The following BST1 variants were observed in gnomAD, a reference collection of about 807,000 sequenced individuals.
BST1 encodes bone marrow stromal cell antigen 1, also known as ADP-ribosyl cyclase/cyclic ADP-ribose hydrolase 2.
BST1 carries 49 observed loss-of-function variants against 40.6 expected under a neutral mutation model. That is an observed-to-expected ratio of 1.21 (90% CI 0.96 to 1.53). The LOEUF (loss-of-function observed/expected upper bound fraction) is 1.53. Ranked by LOEUF, BST1 falls within the 40% of genes most tolerant of loss-of-function variation. BST1 has a pLI of 0.00. For missense variants in BST1, 423 were observed against 395.9 expected (o/e 1.07, Z -0.58); for synonymous variants, 157 against 159.3 (o/e 0.99, Z 0.11).
the BST1 span, among the ~76,000 whole-genome samples, chr4:15,770,424 G>A: frequency 7.9e-5 from 12 of 152,246 alleles, no homozygotes; most frequent in Non-Finnish European, 1.8e-4. Context: ...ACTACTCCGG[G>A]CCAGGTGTGG....
the BST1 span, among the ~76,000 whole-genome samples, chr4:15,767,008 T>A: frequency 6.6e-6 from 1 of 151,774 alleles, no homozygotes; most frequent in Non-Finnish European, 1.5e-5. Context: ...GGGGATGCTA[T>A]AGTAGATAAG....
the BST1 span, among the ~76,000 whole-genome samples, chr4:15,746,138 CAT>C: frequency 6.6e-6 from 1 of 152,202 alleles, no homozygotes; most frequent in African/African-American, 2.4e-5. Flanking sequence ...AATTTGCTGT[CAT>C]AAAATACCAC....
At chr4:15,716,481 G>A (rs1191672054) in intron 6 of BST1, among the ~76,000 whole-genome samples, 1 of 152,202 alleles carries the variant, frequency 6.6e-6, no homozygotes, top group African/African-American at 2.4e-5. Context: ...GTGCTACATG[G>A]AGGAAGGTAT....
At chr4:15,718,537 T>C (rs1007983929) in intron 6 of BST1, among the ~76,000 whole-genome samples, 1 of 152,242 alleles carries the variant, frequency 6.6e-6, no homozygotes, top group South Asian at 2.1e-4. Context: ...ATGAATATAC[T>C]GTAGTGTAGG....
chr4:15,774,132 C>T, the BST1 span, among the ~76,000 whole-genome samples: 1 of 152,174 alleles, frequency 6.6e-6, no homozygotes, highest in East Asian at 1.9e-4. Context: ...AGGAGTTCAC[C>T]GGGAAGACCA....
chr4:15,772,925 G>C, the BST1 span, among the ~76,000 whole-genome samples: 3 of 152,190 alleles, frequency 2.0e-5, no homozygotes, highest in African/African-American at 7.2e-5. Context: ...TGGAGAAGCA[G>C]ACGTGGGCCA....
chr4:15,710,256 C>T (rs1720118111), intron 3 of BST1, among the ~76,000 whole-genome samples: 1 of 152,040 alleles, frequency 6.6e-6, no homozygotes, highest in African/African-American at 2.4e-5. Context: ...TTACAGGCCA[C>T]AGTACCTGGC....
chr4:15,755,734 G>A, the BST1 span, among the ~76,000 whole-genome samples: 1 of 152,088 alleles, frequency 6.6e-6, no homozygotes. Context: ...AGGTCTTAGA[G>A]TGTTTATGCA....
rs1411794454 is a variant in BST1, at chr4:15,722,841, A to G, written c.792-34A>G. 5 of 1,591,788 alleles carry G rather than the reference A, an allele frequency of 3.1e-6. No individual in the cohort carries two copies. The East Asian group carries it at 6.7e-5, about 21-fold the overall frequency. On this transcript the variant is annotated intron_variant, in intron 7 of 8. Transcript: ENST00000265016. Reference sequence around the variant, plus strand: ...AATGGTTGATGGATGAAAGTTATTTAAATAATCCCTTAAATATTATTTTCT... The same window carrying G: ...AATGGTTGATGGATGAAAGTTATTTGAATAATCCCTTAAATATTATTTTCT...
At chr4:15,768,883 G>C in the BST1 span, among the ~76,000 whole-genome samples, 1 of 152,156 alleles carries the variant, frequency 6.6e-6, no homozygotes, top group Non-Finnish European at 1.5e-5. Context: ...CCGTACCCAA[G>C]AGCATGTTTC....
chr4:15,756,901 C>T, the BST1 span, among the ~76,000 whole-genome samples: 6 of 152,208 alleles, frequency 3.9e-5, no homozygotes, highest in Non-Finnish European at 8.8e-5. Context: ...ATATTTCAAG[C>T]TGGTTATTCA....
At chr4:15,712,755 T>C (rs887802369) in intron 4 of BST1, among the ~76,000 whole-genome samples, 1 of 152,172 alleles carries the variant, frequency 6.6e-6, no homozygotes, top group Non-Finnish European at 1.5e-5. Context: ...AAACATATTC[T>C]GTTTATTATT....
chr4:15,764,235 A>T, the BST1 span, among the ~76,000 whole-genome samples: 4 of 151,940 alleles, frequency 2.6e-5, no homozygotes, highest in Non-Finnish European at 4.4e-5. Context: ...GAAGTAAAAT[A>T]AAAAAAATCA....
intron 8 of BST1, chr4:15,731,314 T>C: frequency 2.0e-6 from 1 of 512,718 alleles, no homozygotes; most frequent in Non-Finnish European, 3.5e-6. Context: ...ATCATACTCT[T>C]GGCCAGTTTC....
chr4:15,736,078 G>A (rs1421537933), downstream of BST1: 5 of 1,288,864 alleles, frequency 3.9e-6, no homozygotes, highest in Non-Finnish European at 5.1e-6. Flanking sequence ...TGGGACATTA[G>A]GAGTGCGACC....
At chr4:15,752,549 G>A in the BST1 span, among the ~76,000 whole-genome samples, 1 of 151,872 alleles carries the variant, frequency 6.6e-6, no homozygotes, top group Non-Finnish European at 1.5e-5. Context: ...CCACCATGCA[G>A]AGCTAATTTT....
chr4:15,705,564 A>G lies in BST1; in HGVS notation c.238A>G (p.Lys80Glu). 1 of 1,610,364 alleles carries G rather than the reference A, an allele frequency of 6.2e-7. No individual in the cohort carries two copies. The highest frequency in any genetic ancestry group is 1.1e-5 in the South Asian group (1 of 90,546). ...IWEAFKVALD[K>E]DPCSVLPSDY... ...GGAAGCCTTTAAAGTGGCGCTGGAC[A>G]AGGATCCCTGCTCCGTGCTGCCCTC... is the stretch of plus-strand genomic sequence containing the variant. The change falls in exon 2 of 9, where the codon AAG becomes GAG. Residue 80 changes from lysine to glutamate, a missense_variant. By Grantham distance (56) the Lys-to-Glu change is moderately conservative. Transcript: ENST00000265016.
intron 8 of BST1, chr4:15,731,408 G>A: frequency 1.6e-6 from 1 of 610,714 alleles, no homozygotes; most frequent in South Asian, 1.7e-5. Flanking sequence ...CCTTGTCACG[G>A]TGCTGCTGGT....
chr4:15,768,710 A>C, the BST1 span, among the ~76,000 whole-genome samples: 3 of 151,788 alleles, frequency 2.0e-5, no homozygotes, highest in Non-Finnish European at 4.4e-5. Flanking sequence ...GTTAGCCAGG[A>C]TGGTCTCGAT....
Sources: allele counts gnomAD v4.1 joint callset (sites outside exome capture counted in the v4.1 genomes callset), GRCh38; gene constraint gnomAD v4.1.1; transcripts MANE v1.5; gene names NCBI Gene and HGNC (gene_info 2026-07-23, HGNC 2026-07-21).